PRDM9: variants seen among roughly 807,000 people sequenced by gnomAD.
PRDM9 encodes the protein PR/SET domain 9, also known as histone-lysine N-methyltransferase PRDM9.
Under a neutral mutation model 55.6 loss-of-function variants are expected in PRDM9, and 47 were observed. The ratio of observed to expected loss-of-function variants is 0.85; its 90% CI spans 0.67 to 1.08. The LOEUF is 1.08. Among genes scored for constraint, PRDM9 ranks in the 50% least tolerant of loss-of-function variants. The pLI is 0.00. For synonymous variants in PRDM9, 312 were observed against 375.7 expected, an observed-to-expected ratio of 0.83 and a Z score of 1.96; for missense variants, 867 against 1,040.3, an observed-to-expected ratio of 0.83 and a Z score of 2.29.
At position 23,522,616 on chromosome 5, in the gene PRDM9, T is replaced by A; in HGVS notation, c.613T>A (p.Cys205Ser). The change falls in exon 8 of 11, where the codon TGT becomes AGT. Residue 205 changes from cysteine to serine, a missense_variant and splice_region_variant. Physicochemically the swap from Cys to Ser is moderately radical, Grantham distance 112. Transcript: ENST00000296682. ...SEPQDDDYLY[C>S]EMCQNFFIDS... ...ATCTCTGCTTCCCTCACTTCCAGAT[T>A]GTGAGATGTGTCAGAACTTCTTCAT... The A allele has an allele frequency of 6.2e-7, 1 of 1,614,192 alleles. No homozygotes were observed. Among genetic ancestry groups the A allele is most frequent in the Non-Finnish European group, 8.5e-7 (1 of 1,180,036 alleles).
intron 5 of PRDM9, among the ~76,000 whole-genome samples, chr5:23,519,315 C>T (rs1459357197): frequency 6.6e-6 from 1 of 152,166 alleles, no homozygotes; most frequent in African/African-American, 2.4e-5. Context: ...CCACCTTGGC[C>T]TCCCAAAGTG....
At chr5:23,524,258 G>A (rs1579595444) in intron 9 of PRDM9, 76 bp from the exon 10 acceptor site, 1 of 1,553,426 alleles carries the variant, frequency 6.4e-7, no homozygotes, top group Non-Finnish European at 8.9e-7. Context: ...TAGACCAGCA[G>A]GTGATGGGCC....
chr5:23,510,766 G>C (rs748563545), intron 4 of PRDM9, among the ~76,000 whole-genome samples: 19 of 151,906 alleles, frequency 1.3e-4, no homozygotes, highest in Non-Finnish European at 2.1e-4. Flanking sequence ...CAAACTCCTG[G>C]GCTTAAGCGA....
chr5:23,508,155 C>G (rs769261078), intron 1 of PRDM9, among the ~76,000 whole-genome samples: 30 of 152,064 alleles, frequency 2.0e-4, no homozygotes, highest in African/African-American at 7.2e-4. Context: ...TCTCCTTTAC[C>G]TGAGACCCAG....
chr5:23,524,199 G>C (rs1579595408), intron 9 of PRDM9, 135 bp from the exon 10 acceptor site: 1 of 1,145,124 alleles, frequency 8.7e-7, no homozygotes, highest in East Asian at 2.4e-5. Context: ...TGAGCAGAAG[G>C]TTCCCGGAGG....
In PRDM9 at chr5:23,527,671, C is replaced by A. The variant is rs751606380; in HGVS notation, c.2583C>A (p.Val861=). The stretch of plus-strand genomic sequence containing the variant: ...CACACACAGGGGAGAAGCCCTACGT[C>A]TGCAGGGAGTGTGGGCGGGGCTTTA... ...QRTHTGEKPY[V]CRECGRGFSD... Residue 861 remains valine (V), a synonymous_variant, in exon 11 of 11, where the codon GTC becomes GTA. Transcript: ENST00000296682. 6.3e-7 allele frequency: 1 copy of A among 1,584,140 alleles called. No homozygotes were observed. Among genetic ancestry groups the A allele is most frequent in the African/African-American group, 1.4e-5 (1 of 72,842 alleles).
intron 9 of PRDM9, 21 bp from the exon 10 acceptor site, chr5:23,524,313 C>T: frequency 6.2e-7 from 1 of 1,612,670 alleles, no homozygotes; most frequent in Non-Finnish European, 8.5e-7. Flanking sequence ...TTTTCTTTCC[C>T]TTTGCCTGCC....
intron 4 of PRDM9, among the ~76,000 whole-genome samples, chr5:23,510,861 C>T (rs909973139): frequency 5.9e-5 from 9 of 151,648 alleles, no homozygotes; most frequent in East Asian, 2.0e-4. Context: ...GAAGTGACCT[C>T]CTGGCCAGGC....
chr5:23,522,484 A>G (rs1739347385), intron 7 of PRDM9, 79 bp downstream of exon 7: 3 of 1,585,160 alleles, frequency 1.9e-6, no homozygotes, highest in Non-Finnish European at 2.6e-6. Flanking sequence ...CCCACAAATC[A>G]TTCCCTTACT....
At chr5:23,519,535 GT>G (rs1451003494) in intron 5 of PRDM9, among the ~76,000 whole-genome samples, 2 of 151,596 alleles carry the variant, frequency 1.3e-5, no homozygotes, top group South Asian at 2.1e-4. Context: ...CACCTGGCTA[GT>G]TTTTTGTATT....
At chr5:23,510,105 G>T (rs1396695193) in intron 4 of PRDM9, 78 bp downstream of exon 4, 9 of 1,400,554 alleles carry the variant, frequency 6.4e-6, no homozygotes, top group East Asian at 5.0e-5. Flanking sequence ...CCCAGGCTGG[G>T]GTGCAATGGC....
chr5:23,517,993 G>A (rs1561019091), intron 5 of PRDM9, 63 bp downstream of exon 5: 4 of 1,428,692 alleles, frequency 2.8e-6, no homozygotes, highest in East Asian at 2.3e-5. Context: ...ACAGGTAAGA[G>A]GAGGAGAATG....
chr5:23,519,602 C>T, intron 5 of PRDM9, among the ~76,000 whole-genome samples: 1 of 151,888 alleles, frequency 6.6e-6, no homozygotes, highest in East Asian at 2.0e-4. Context: ...CTGAGGTGAT[C>T]CGCCTGCCTT....
chr5:23,518,840 A>T (rs1181136060), intron 5 of PRDM9, among the ~76,000 whole-genome samples: 1 of 152,224 alleles, frequency 6.6e-6, no homozygotes, highest in Admixed American at 6.5e-5. Context: ...TGAGCTCTTC[A>T]GGAGTCTGGT....
chr5:23,522,153 T>C, intron 6 of PRDM9, 151 bp from the exon 7 acceptor site: 2 of 752,206 alleles, frequency 2.7e-6, no homozygotes, highest in Non-Finnish European at 4.7e-6. Flanking sequence ...GTGTGGGGTC[T>C]AAGTCTCTCT....
intron 2 of PRDM9, 32 bp from the exon 3 acceptor site, chr5:23,509,438 A>G: frequency 6.2e-7 from 1 of 1,614,108 alleles, no homozygotes. Flanking sequence ...GTGTACTAGT[A>G]AATCACTGAT....
chr5:23,524,267 C>T (rs752577479), intron 9 of PRDM9, 67 bp from the exon 10 acceptor site: 2 of 1,568,008 alleles, frequency 1.3e-6, no homozygotes, highest in Non-Finnish European at 8.8e-7. Flanking sequence ...AGGTGATGGG[C>T]CATACCTGGA....
Position 23,527,603 on chromosome 5 carries a change from C to G in PRDM9, c.2515C>G (p.Arg839Gly), listed in dbSNP as rs764241201. ...EKPYVCRECG[R>G]GFRNKSHLLR... ...GCCCTATGTCTGCAGGGAGTGTGGGCGGGGCTTTCGCAATAAGTCACACCT... is the reference window on the plus strand; with the variant it reads ...GCCCTATGTCTGCAGGGAGTGTGGGGGGGGCTTTCGCAATAAGTCACACCT... Residue 839 changes from arginine to glycine, a missense_variant, in exon 11 of 11, where the codon CGG becomes GGG. Arg to Gly is a moderately radical substitution (Grantham distance 125, BLOSUM62 -2). Transcript: ENST00000296682. 1 of 1,508,748 alleles carries G rather than the reference C, an allele frequency of 6.6e-7. No homozygotes were observed. Among genetic ancestry groups the G allele is most frequent in the Non-Finnish European group, 8.9e-7 (1 of 1,125,776 alleles). 93.5% of individuals were successfully genotyped at this position (1,508,748 alleles called of 1,614,324 possible).
chr5:23,525,628 A>G (rs1739415323), intron 10 of PRDM9, among the ~76,000 whole-genome samples: 1 of 152,204 alleles, frequency 6.6e-6, no homozygotes, highest in East Asian at 1.9e-4. Flanking sequence ...AACCAGGCAC[A>G]TAACAGTCCT....
Sources: gnomAD v4.1 joint callset for allele counts (sites outside exome capture counted in the v4.1 genomes callset) on GRCh38, gnomAD v4.1.1 for gene constraint, MANE v1.5 for transcripts, NCBI Gene and HGNC (gene_info 2026-07-23, HGNC 2026-07-21) for gene names.